NTRK2: variants seen among roughly 807,000 people sequenced by gnomAD.
The protein encoded by NTRK2 is BDNF/NT-3 growth factors receptor.
Under a neutral mutation model 94.5 loss-of-function variants are expected in NTRK2, and 13 were observed. The observed-to-expected ratio is 0.14, with a 90% CI of 0.09 to 0.22. NTRK2 has a LOEUF of 0.22. NTRK2 is among the 10% of genes least tolerant of loss of function. The pLI is 1.00. For synonymous variants in NTRK2, 372 were observed against 407.4 expected (o/e 0.91, Z 1.05); for missense variants, 639 against 1,071.2 (o/e 0.60, Z 5.63).
chr9:84,938,287 T>C (rs2078278914), intron 15 of NTRK2, among the ~76,000 whole-genome samples: 1 of 152,200 alleles, frequency 6.6e-6, no homozygotes, highest in East Asian at 1.9e-4. Context: ...GGAAAAGTTT[T>C]CTGATAAACC....
At chr9:84,771,937 T>C (rs1163690722) in intron 12 of NTRK2, among the ~76,000 whole-genome samples, 1 of 152,206 alleles carries the variant, frequency 6.6e-6, no homozygotes, top group Admixed American at 6.5e-5. Flanking sequence ...AATGAAGTAT[T>C]TTATTTTTAT....
At chr9:84,906,665 C>T (rs530131685) in intron 14 of NTRK2, among the ~76,000 whole-genome samples, 194 of 152,280 alleles carry the variant, frequency 1.3e-3, no homozygotes, top group Non-Finnish European at 2.2e-3. Flanking sequence ...TCCCCTGTCC[C>T]TGCCTCTCAG....
At chr9:84,671,542 T>A (rs1022810639) in intron 2 of NTRK2, among the ~76,000 whole-genome samples, 27 of 152,080 alleles carry the variant, frequency 1.8e-4, no homozygotes, top group African/African-American at 6.3e-4. Context: ...AAGTTCTGAG[T>A]GTTGAAATGC....
intron 12 of NTRK2, among the ~76,000 whole-genome samples, chr9:84,755,167 T>A (rs2064971617): frequency 6.6e-6 from 1 of 152,180 alleles, no homozygotes; most frequent in African/African-American, 2.4e-5. Flanking sequence ...TGAATTGCAG[T>A]GTTGTCTTTG....
At chr9:84,974,091 A>T (rs913650742) in intron 17 of NTRK2, among the ~76,000 whole-genome samples, 1 of 152,206 alleles carries the variant, frequency 6.6e-6, no homozygotes, top group Non-Finnish European at 1.5e-5. Flanking sequence ...TCCCCATATT[A>T]GAGAAGAAGT....
At chr9:84,706,592 C>A (rs1406046966) in intron 4 of NTRK2, among the ~76,000 whole-genome samples, 1 of 130,706 alleles carries the variant, frequency 7.7e-6, no homozygotes, top group African/African-American at 2.8e-5. Context: ...TGCAGTGGCA[C>A]AATCTCTGCT....
intron 14 of NTRK2, among the ~76,000 whole-genome samples, chr9:84,887,748 C>T (rs1319166417): frequency 6.6e-6 from 1 of 152,180 alleles, no homozygotes; most frequent in Non-Finnish European, 1.5e-5. Context: ...GGCATCCATT[C>T]TCAGCTTGAC....
At chr9:84,837,881 T>A (rs1467970442) in intron 12 of NTRK2, among the ~76,000 whole-genome samples, 1 of 152,218 alleles carries the variant, frequency 6.6e-6, no homozygotes, top group African/African-American at 2.4e-5. Context: ...TCTAAGAAAT[T>A]TTCCCATTAA....
At chr9:84,978,522 A>G (rs1827184044) in intron 17 of NTRK2, among the ~76,000 whole-genome samples, 1 of 152,242 alleles carries the variant, frequency 6.6e-6, no homozygotes, top group Non-Finnish European at 1.5e-5. Context: ...TCTAAGGCTT[A>G]AGGAAAGAAG....
intron 11 of NTRK2, among the ~76,000 whole-genome samples, chr9:84,748,672 G>A (rs575443114): frequency 3.3e-5 from 5 of 152,124 alleles, no homozygotes; most frequent in South Asian, 4.1e-4. Context: ...CTCCCCCATC[G>A]CAGTTTTCTT....
chr9:84,891,151 C>A (rs140401596), intron 14 of NTRK2, among the ~76,000 whole-genome samples: 4 of 151,924 alleles, frequency 2.6e-5, no homozygotes, highest in Non-Finnish European at 5.9e-5. Flanking sequence ...GCAGGGAATT[C>A]GGCTGGAATT....
intron 12 of NTRK2, among the ~76,000 whole-genome samples, chr9:84,809,269 G>A (rs2071471929): frequency 6.6e-6 from 1 of 151,812 alleles, no homozygotes; most frequent in Admixed American, 6.6e-5. Context: ...TCCTTCTATG[G>A]GCCAATGAAG....
chr9:84,698,502 A>G (rs1182207769), intron 2 of NTRK2, among the ~76,000 whole-genome samples: 3 of 152,120 alleles, frequency 2.0e-5, no homozygotes, highest in Non-Finnish European at 4.4e-5. Flanking sequence ...TCTACTGATC[A>G]TATTACAATG....
chr9:84,944,005 A>G (rs2078502674), intron 15 of NTRK2, among the ~76,000 whole-genome samples: 1 of 152,152 alleles, frequency 6.6e-6, no homozygotes, highest in Admixed American at 6.5e-5. Context: ...GGATGAGGCC[A>G]GGTTTGTGAG....
At chr9:84,723,819 GA>G in intron 7 of NTRK2, 110 bp downstream of exon 7, 1 of 1,448,444 alleles carries the variant, frequency 6.9e-7, no homozygotes, top group Non-Finnish European at 9.7e-7. Flanking sequence ...GCTACATATA[GA>G]AATTTACAAA....
intron 12 of NTRK2, among the ~76,000 whole-genome samples, chr9:84,832,537 G>A (rs1325988884): frequency 6.6e-6 from 1 of 152,328 alleles, no homozygotes; most frequent in East Asian, 1.9e-4. Flanking sequence ...TGGTGGAAGT[G>A]TCAGGGCGAG....
intron 2 of NTRK2, among the ~76,000 whole-genome samples, chr9:84,677,641 A>G (rs377538819): frequency 8.5e-5 from 13 of 152,240 alleles, no homozygotes; most frequent in African/African-American, 3.1e-4. Flanking sequence ...ATTTAGGGGT[A>G]GGATCCTATC....
At chr9:84,695,465 C>G (rs2060320644) in intron 2 of NTRK2, among the ~76,000 whole-genome samples, 1 of 152,152 alleles carries the variant, frequency 6.6e-6, no homozygotes, top group African/African-American at 2.4e-5. Flanking sequence ...TGAATTTTCT[C>G]TAAAATTACC....
Position 84,723,727 on chromosome 9 carries a change from C to T in NTRK2, c.720+18C>T. On this transcript the variant is annotated intron_variant, in intron 7 of 18. Coordinates refer to ENST00000277120, the MANE Select transcript of NTRK2 (RefSeq NM_006180.6). ...AACATATGGTAAGGCTTGTGTTTGGCTGTGTCTTAATAGAGAGACAAGAGT... is the reference window on the plus strand; with the variant it reads ...AACATATGGTAAGGCTTGTGTTTGGTTGTGTCTTAATAGAGAGACAAGAGT... 6.2e-7 allele frequency: 1 copy of T among 1,613,962 alleles called. No homozygotes were observed. Among genetic ancestry groups the T allele is most frequent in the Non-Finnish European group, 8.5e-7 (1 of 1,179,878 alleles).
Sources: gnomAD v4.1 joint callset for allele counts (sites outside exome capture counted in the v4.1 genomes callset) on GRCh38, gnomAD v4.1.1 for gene constraint, MANE v1.5 for transcripts, NCBI Gene and HGNC (gene_info 2026-07-23, HGNC 2026-07-21) for gene names.